The following SLIT2 variants were observed in gnomAD, a reference collection of about 807,000 sequenced individuals.
The protein encoded by SLIT2 is slit guidance ligand 2, also known as slit homolog 2 protein.
In SLIT2, 41 loss-of-function variants were observed where a neutral mutation model predicts 185.7. The ratio of observed to expected loss-of-function variants is 0.22; its 90% confidence interval spans 0.17 to 0.29. The LOEUF is 0.29. SLIT2 is among the 10% of genes least tolerant of loss of function. The pLI is 1.00. For synonymous variants in SLIT2, 693 were observed against 680.2 expected (o/e 1.02, Z -0.29); for missense variants, 1,571 against 1,909.0 (o/e 0.82, Z 3.30).
At chr4:20,556,059 T>G (rs2148898508) in intron 26 of SLIT2, among the ~76,000 whole-genome samples, 1 of 152,214 alleles carries the variant, frequency 6.6e-6, no homozygotes, top group African/African-American at 2.4e-5. Context: ...TAATTATTTA[T>G]CAATATTTTA....
intron 4 of SLIT2, among the ~76,000 whole-genome samples, chr4:20,464,953 G>A (rs1264982850): frequency 6.6e-6 from 1 of 152,026 alleles, no homozygotes; most frequent in Non-Finnish European, 1.5e-5. Flanking sequence ...AGTAGCCCTT[G>A]CAACATAGAG....
chr4:20,567,004 A>G (rs1472999571), intron 26 of SLIT2, among the ~76,000 whole-genome samples: 1 of 151,980 alleles, frequency 6.6e-6, no homozygotes, highest in East Asian at 1.9e-4. Context: ...CACTGGCACC[A>G]TTAACATCAG....
At chr4:20,509,411 G>A (rs998195384) in intron 9 of SLIT2, among the ~76,000 whole-genome samples, 3 of 152,062 alleles carry the variant, frequency 2.0e-5, no homozygotes, top group Admixed American at 2.0e-4. Context: ...CCAACAGAAA[G>A]TAAAATTAGG....
intron 18 of SLIT2, among the ~76,000 whole-genome samples, chr4:20,539,221 G>A (rs775913463): frequency 5.3e-5 from 8 of 152,108 alleles, no homozygotes; most frequent in Non-Finnish European, 7.4e-5. Context: ...TAGACTCACC[G>A]TGCCTTTTGT....
At chr4:20,347,495 G>A (rs1351470939) in intron 4 of SLIT2, among the ~76,000 whole-genome samples, 1 of 152,162 alleles carries the variant, frequency 6.6e-6, no homozygotes, top group South Asian at 2.1e-4. Flanking sequence ...GCATTTTTTA[G>A]TAGGCACTGG....
At chr4:20,325,733 C>A (rs1719522713) in intron 4 of SLIT2, among the ~76,000 whole-genome samples, 1 of 152,126 alleles carries the variant, frequency 6.6e-6, no homozygotes, top group East Asian at 1.9e-4. Flanking sequence ...AGAAAGGACA[C>A]CATTCCTTCA....
At chr4:20,306,771 TCA>T (rs1195050191) in intron 4 of SLIT2, among the ~76,000 whole-genome samples, 1 of 152,188 alleles carries the variant, frequency 6.6e-6, no homozygotes, top group Non-Finnish European at 1.5e-5. Flanking sequence ...CAAGTTATAA[TCA>T]GTTCTTCAAA....
intron 4 of SLIT2, among the ~76,000 whole-genome samples, chr4:20,384,852 T>A (rs935085298): frequency 6.6e-6 from 1 of 152,172 alleles, no homozygotes. Flanking sequence ...AGTTAAAATA[T>A]GTAAGCTGAA....
At chr4:20,473,095 G>A (rs977470978) in intron 5 of SLIT2, among the ~76,000 whole-genome samples, 1 of 151,846 alleles carries the variant, frequency 6.6e-6, no homozygotes, top group Non-Finnish European at 1.5e-5. Context: ...AATGTACTAT[G>A]TGAGGTAAAC....
chr4:20,364,685 T>C (rs184568505), intron 4 of SLIT2, among the ~76,000 whole-genome samples: 105 of 150,104 alleles, frequency 7.0e-4, no homozygotes, highest in Non-Finnish European at 1.3e-3. Flanking sequence ...AGATAGTTTC[T>C]GTGAAAAGCC....
chr4:20,471,549 A>AG (rs1353232182), intron 5 of SLIT2, among the ~76,000 whole-genome samples: 1 of 152,178 alleles, frequency 6.6e-6, no homozygotes, highest in Non-Finnish European at 1.5e-5. Context: ...AGAGTAAAAG[A>AG]GAAAAAAAAG....
chr4:20,508,989 T>C (rs558303530), intron 9 of SLIT2, among the ~76,000 whole-genome samples: 49 of 152,096 alleles, frequency 3.2e-4, no homozygotes, highest in African/African-American at 1.1e-3. Flanking sequence ...TAATTTGTTT[T>C]GATTTTATTT....
intron 33 of SLIT2, among the ~76,000 whole-genome samples, chr4:20,602,163 C>T (rs1397189946): frequency 6.6e-6 from 1 of 152,104 alleles, no homozygotes; most frequent in African/African-American, 2.4e-5. Flanking sequence ...TATCTCTAGA[C>T]TGGTAATTTG....
intron 29 of SLIT2, among the ~76,000 whole-genome samples, chr4:20,572,485 T>C (rs1294562354): frequency 3.3e-5 from 5 of 152,196 alleles, no homozygotes; most frequent in Non-Finnish European, 5.9e-5. Context: ...AAAATCATGA[T>C]CATCTTCTTT....
At chr4:20,277,771 A>G (rs1384348889) in intron 4 of SLIT2, among the ~76,000 whole-genome samples, 1 of 148,852 alleles carries the variant, frequency 6.7e-6, no homozygotes, top group Non-Finnish European at 1.5e-5. Flanking sequence ...TAATATATAT[A>G]TATATACACA....
intron 4 of SLIT2, among the ~76,000 whole-genome samples, chr4:20,462,917 T>A (rs932184947): frequency 2.6e-4 from 39 of 151,940 alleles, no homozygotes; most frequent in African/African-American, 9.2e-4. Flanking sequence ...CATAAAAGAG[T>A]CTCCAAGTAG....
chr4:20,415,617 T>A (rs1479855926), intron 4 of SLIT2, among the ~76,000 whole-genome samples: 1 of 152,120 alleles, frequency 6.6e-6, no homozygotes, highest in East Asian at 1.9e-4. Context: ...TGGGTTAAGA[T>A]CCATAAGGCA....
chr4:20,264,831 T>C (rs897371586), intron 3 of SLIT2, among the ~76,000 whole-genome samples: 6 of 151,934 alleles, frequency 3.9e-5, no homozygotes, highest in African/African-American at 1.4e-4. Context: ...CACACCTTTC[T>C]GAAACTGTGA....
intron 4 of SLIT2, among the ~76,000 whole-genome samples, chr4:20,431,673 C>G (rs548191311): frequency 6.6e-6 from 1 of 151,766 alleles, no homozygotes; most frequent in East Asian, 1.9e-4. Context: ...ACAAGACTTG[C>G]GAGAGTTCTT....
Sources: gnomAD v4.1 joint callset for allele counts (sites outside exome capture counted in the v4.1 genomes callset) on GRCh38, gnomAD v4.1.1 for gene constraint, MANE v1.5 for transcripts, NCBI Gene and HGNC (gene_info 2026-07-23, HGNC 2026-07-21) for gene names.